Variants in MYH10 observed in about 807,000 individuals in gnomAD.
MYH10 encodes myosin-10.
In MYH10, 55 loss-of-function variants were observed where a neutral mutation model predicts 257.8. The ratio of observed to expected loss-of-function variants is 0.21; its 90% confidence interval spans 0.17 to 0.27. MYH10 has a LOEUF of 0.27. Ranked by LOEUF, MYH10 falls within the 10% of genes least tolerant of loss-of-function variation. The probability of loss-of-function intolerance (pLI) is 1.00; values close to 1 mark genes in which losing one functional copy is unlikely to be tolerated. For missense variants in MYH10, 1,631 were observed against 2,500.6 expected, an observed-to-expected ratio of 0.65 and a Z score of 7.42; for synonymous variants, 854 against 921.7, an observed-to-expected ratio of 0.93 and a Z score of 1.33.
At chr17:8,602,349 C>T (rs1401061557) in intron 3 of MYH10, among the ~76,000 whole-genome samples, 1 of 152,164 alleles carries the variant, frequency 6.6e-6, no homozygotes, top group Non-Finnish European at 1.5e-5. Flanking sequence ...ATCAGTGGGG[C>T]CACGTGCTCT....
chr17:8,535,243 T>A lies in MYH10; in HGVS notation c.1894+144A>T, dbSNP rs1258192050. On this transcript the variant is annotated intron_variant, in intron 16 of 42. Coordinates refer to ENST00000360416, the MANE Select transcript of MYH10 (RefSeq NM_001256012.3). The surrounding 1 kb of genome is among the most constrained non-coding windows in gnomAD (Gnocchi z 4.3). ...TATTGTTAAAACGGATAAATTCCGA[T>A]ATAACGGCAGCCCTGCTCTAGGGAA... The A allele has an allele frequency of 7.0e-6, 4 of 570,096 alleles. No individual in the cohort carries two copies. The highest frequency in any genetic ancestry group is 3.1e-5 in the Admixed American group (1 of 32,060). The allele number at this position is 570,096 out of a possible 1,614,324, so 35.3% of individuals were successfully genotyped here.
At position 8,535,691 on chromosome 17, in the gene MYH10, C is replaced by T. The variant is rs1382614508; in HGVS notation, c.1779+67G>A. The T allele has an allele frequency of 7.4e-6, 11 of 1,494,086 alleles. No individual in the cohort carries two copies. The East Asian group carries it at 2.5e-4, about 34-fold the overall frequency. 92.6% of individuals were successfully genotyped at this position (1,494,086 alleles called of 1,614,324 possible). A position where few individuals can be genotyped will look rare whatever the true frequency, so the allele number is the denominator to read the frequency against. On this transcript the variant is annotated intron_variant, in intron 15 of 42. Coordinates refer to ENST00000360416, the MANE Select transcript of MYH10 (RefSeq NM_001256012.3). The surrounding 1 kb of genome is among the most constrained non-coding windows in gnomAD (Gnocchi z 4.3). ...TTTATCAGCACCTTTGTTACACCTT[C>T]ATAAAAATGTAGCAAAATTTCAAAC...
At chr17:8,479,631 C>G (rs1424948204) in intron 40 of MYH10, among the ~76,000 whole-genome samples, 1 of 152,198 alleles carries the variant, frequency 6.6e-6, no homozygotes, top group Non-Finnish European at 1.5e-5. Context: ...GGCGCTATGA[C>G]CTAATAGCTT....
At position 8,504,511 on chromosome 17, in the gene MYH10, CA is replaced by C. The variant is rs2081011612; in HGVS notation, c.3599+182del. On this transcript the variant is annotated intron_variant, in intron 28 of 42. Transcript: ENST00000360416. The surrounding 1 kb of genome is among the most constrained non-coding windows in gnomAD (Gnocchi z 5.6). ...CTGCTGGTTTACCCACCCACCCCTG[CA>C]CAGGTATTTCTACCCATAGGCTGGT... 2.0e-5 allele frequency among the ~76,000 whole-genome samples: 3 copies of C among 152,350 alleles called. No individual in the cohort carries two copies. The highest frequency in any genetic ancestry group is 2.0e-4 in the Admixed American group (3 of 15,304).
At chr17:8,481,491 C>T (rs1042500534) in intron 37 of MYH10, 81 bp from the exon 38 acceptor site, 20 of 1,231,366 alleles carry the variant, frequency 1.6e-5, no homozygotes, top group South Asian at 7.8e-5. Flanking sequence ...GGAGCTACAG[C>T]GACCTTGCTC....
Position 8,499,446 on chromosome 17 carries a change from C to T in MYH10, c.3775G>A (p.Gly1259Ser), listed in dbSNP as rs2151839822. ...AGCTCCTTGTTATCTGTCTCCAGGC[C>T]CTGCTTGTTCTTCTCTAGATTTGCT... ...FKANLEKNKQ[G>S]LETDNKELAC... is the part of the protein sequence containing the mutation. Residue 1259 changes from glycine to serine, a missense_variant, in exon 30 of 43, where the codon GGC (glycine) becomes AGC (serine). Around this residue, in one of 11 missense-constraint regions of MYH10, gnomAD observed 463 missense variants for 621.8 expected, o/e 0.74. Transcript: ENST00000360416. The T allele has an allele frequency of 6.2e-7, 1 of 1,614,110 alleles. No homozygotes were observed. The highest frequency in any genetic ancestry group is 8.5e-7 in the Non-Finnish European group (1 of 1,180,026).
intron 36 of MYH10, 76 bp downstream of exon 36, chr17:8,487,357 T>G (rs1915013618): frequency 1.3e-6 from 2 of 1,557,074 alleles, no homozygotes; most frequent in East Asian, 4.5e-5. Flanking sequence ...CCCCCCAGCT[T>G]CACTGCTGGA....
intron 16 of MYH10, among the ~76,000 whole-genome samples, chr17:8,531,888 T>A (rs1029834558): frequency 1.6e-4 from 24 of 152,230 alleles, no homozygotes; most frequent in Non-Finnish European, 2.8e-4. Flanking sequence ...CCCCTTATCC[T>A]GCGATCTCTC....
intron 25 of MYH10, 72 bp downstream of exon 25, chr17:8,509,740 A>G: frequency 7.3e-7 from 1 of 1,363,136 alleles, no homozygotes; most frequent in Admixed American, 2.7e-5. Flanking sequence ...ACTTTCAATG[A>G]GTGTATCAAC....
chr17:8,551,037 G>A (rs368583633), intron 9 of MYH10, among the ~76,000 whole-genome samples: 1 of 150,832 alleles, frequency 6.6e-6, no homozygotes, highest in Non-Finnish European at 1.5e-5. Flanking sequence ...TAGGAAAACC[G>A]GAGACCTTTG....
At chr17:8,623,424 C>G in intron 1 of MYH10, 147 bp from the exon 2 acceptor site, 2 of 645,646 alleles carry the variant, frequency 3.1e-6, no homozygotes, top group South Asian at 5.1e-5. Context: ...CCATACTAAC[C>G]GAGTTTCCAA....
intron 30 of MYH10, among the ~76,000 whole-genome samples, chr17:8,496,228 C>T (rs1164127775): frequency 3.3e-5 from 5 of 152,354 alleles, no homozygotes; most frequent in Admixed American, 6.5e-5. Flanking sequence ...GGCAGCAGGG[C>T]GCCGTGCGTT....
chr17:8,484,029 T>C, intron 37 of MYH10, 109 bp downstream of exon 37: 2 of 1,051,236 alleles, frequency 1.9e-6, no homozygotes, highest in Non-Finnish European at 2.7e-6. Flanking sequence ...AAAACAAAAA[T>C]GTATACTGAC....
chr17:8,562,929 T>C (rs1407438659), intron 7 of MYH10, among the ~76,000 whole-genome samples: 1 of 152,254 alleles, frequency 6.6e-6, no homozygotes, highest in East Asian at 1.9e-4. Flanking sequence ...CATCGATTTC[T>C]AGAATCTTTT....
At chr17:8,512,415 C>T (rs773435655) in intron 24 of MYH10, 36 bp downstream of exon 24, 1 of 1,549,854 alleles carries the variant, frequency 6.5e-7, no homozygotes, top group Admixed American at 1.9e-5. Flanking sequence ...CTTGAAAATC[C>T]AAAATATGCT....
chr17:8,487,146 A>G (rs180936546), intron 36 of MYH10, among the ~76,000 whole-genome samples: 155 of 152,334 alleles, frequency 1.0e-3, no homozygotes, highest in Non-Finnish European at 1.3e-3. Context: ...CTGGGTCAAC[A>G]TGACCCTCCT....
intron 21 of MYH10, among the ~76,000 whole-genome samples, chr17:8,516,884 A>T (rs1196616327): frequency 6.6e-6 from 1 of 152,186 alleles, no homozygotes; most frequent in Non-Finnish European, 1.5e-5. Context: ...CACGCCTGTA[A>T]TCCCAGCACT....
rs117832233 is a variant in MYH10 at position 8,485,711 on chromosome 17, A to C, written c.5047-1445T>G. ...GTTGACAAGATGTGGAGAAATTGGA[A>C]CCCTCATACATAGCTGGTAGGAACG... On this transcript the variant is annotated intron_variant, in intron 36 of 42. Coordinates refer to ENST00000360416, the MANE Select transcript of MYH10 (RefSeq NM_001256012.3). Among the ~76,000 whole-genome samples, 1,326 of 152,302 alleles carry C rather than the reference A, an allele frequency of 8.7e-3. 7 individuals are homozygous for C. Among genetic ancestry groups the C allele is most frequent in the Non-Finnish European group, 0.013 (856 of 68,022 alleles).
intron 2 of MYH10, among the ~76,000 whole-genome samples, chr17:8,621,771 T>C (rs1194087648): frequency 1.3e-5 from 2 of 152,122 alleles, no homozygotes; most frequent in Non-Finnish European, 2.9e-5. Flanking sequence ...TTTCTCAGCT[T>C]TTCTCGTGGC....
Sources: allele counts gnomAD v4.1 joint callset (sites outside exome capture counted in the v4.1 genomes callset), GRCh38; gene constraint gnomAD v4.1.1; regional missense constraint gnomAD v4.1.1; non-coding constraint Gnocchi (gnomAD v3.1); transcripts MANE v1.5; gene names NCBI Gene and HGNC (gene_info 2026-07-23, HGNC 2026-07-21).